PPFIBP2: variants seen among roughly 807,000 people sequenced by gnomAD.
PPFIBP2 encodes the protein liprin-beta-2.
A neutral mutation model predicts 118.3 loss-of-function variants in PPFIBP2; 118 were observed. The ratio of observed to expected loss-of-function variants is 1.00; its 90% confidence interval spans 0.86 to 1.16. The LOEUF (loss-of-function observed/expected upper bound fraction) is 1.16, where lower values mean the gene tolerates loss of function less well. Ranked by LOEUF, PPFIBP2 falls within the 50% of genes most tolerant of loss-of-function variation. The pLI is 0.00. For missense variants in PPFIBP2, 1,195 were observed against 1,073.1 expected, an observed-to-expected ratio of 1.11 and a Z score of -1.59; for synonymous variants, 414 against 397.4, an observed-to-expected ratio of 1.04 and a Z score of -0.50.
intron 3 of PPFIBP2, among the ~76,000 whole-genome samples, chr11:7,580,191 T>A (rs1857056305): frequency 2.0e-5 from 3 of 152,180 alleles, no homozygotes; most frequent in African/African-American, 4.8e-5. Flanking sequence ...ACCTCCTCTC[T>A]AACTCTCATC....
At chr11:7,586,189 T>G (rs1858143797) in intron 3 of PPFIBP2, among the ~76,000 whole-genome samples, 1 of 152,184 alleles carries the variant, frequency 6.6e-6, no homozygotes, top group Non-Finnish European at 1.5e-5. Flanking sequence ...AGTATTTTGG[T>G]TATTGTTCCC....
intron 17 of PPFIBP2, among the ~76,000 whole-genome samples, chr11:7,646,830 G>T (rs544747949): frequency 2.6e-5 from 4 of 152,076 alleles, no homozygotes; most frequent in East Asian, 1.9e-4. Flanking sequence ...GGTACATCAA[G>T]ATTTTATATA....
intron 1 of PPFIBP2, among the ~76,000 whole-genome samples, chr11:7,548,130 A>G (rs1242958313): frequency 1.3e-5 from 2 of 152,234 alleles, no homozygotes; most frequent in Non-Finnish European, 2.9e-5. Flanking sequence ...CATTTTACAG[A>G]TGAGGAAACT....
chr11:7,639,969 T>G lies in PPFIBP2; in HGVS notation c.1375+99T>G, dbSNP rs1190608866. 4.1e-6 allele frequency: 6 copies of G among 1,470,798 alleles called. No homozygotes were observed. In the African/African-American group the frequency reaches 8.5e-5, roughly 21 times the overall value. 91.1% of individuals were successfully genotyped at this position (1,470,798 alleles called of 1,614,324 possible). On this transcript the variant is annotated intron_variant, in intron 15 of 23. Transcript: ENST00000299492. ...TGCACCTACCACCACAATCCACAAT[T>G]GGAGAATGGTGGGGTGGGTGGCTGG...
At chr11:7,666,398 G>C in the PPFIBP2 span, 103 of 1,141,708 alleles carry the variant, frequency 9.0e-5, 1 homozygote, top group Non-Finnish European at 1.3e-4. Context: ...AGTCCTCAAA[G>C]TGGTCAAGGG....
intron 1 of PPFIBP2, among the ~76,000 whole-genome samples, chr11:7,529,571 C>T (rs1850509173): frequency 6.6e-6 from 1 of 152,202 alleles, no homozygotes; most frequent in South Asian, 2.1e-4. Flanking sequence ...TGCATGGAGC[C>T]AGGGACTGCT....
intron 1 of PPFIBP2, among the ~76,000 whole-genome samples, chr11:7,524,723 C>A (rs1181000134): frequency 2.7e-5 from 4 of 148,792 alleles, no homozygotes; most frequent in Non-Finnish European, 5.9e-5. Flanking sequence ...ACTCCAAATT[C>A]TATGAGCAAT....
chr11:7,607,389 G>A (rs767769881), intron 5 of PPFIBP2, among the ~76,000 whole-genome samples: 7 of 149,780 alleles, frequency 4.7e-5, no homozygotes, highest in South Asian at 2.1e-4. Flanking sequence ...TTTTTTTTGC[G>A]TATGTATTTT....
intron 14 of PPFIBP2, among the ~76,000 whole-genome samples, chr11:7,637,096 G>C (rs1851549004): frequency 6.6e-6 from 1 of 152,166 alleles, no homozygotes; most frequent in South Asian, 2.1e-4. Flanking sequence ...CCCTACTCCT[G>C]ACAGCTCTGG....
chr11:7,619,310 G>A (rs1241971481), intron 6 of PPFIBP2, among the ~76,000 whole-genome samples: 1 of 152,172 alleles, frequency 6.6e-6, no homozygotes, highest in Non-Finnish European at 1.5e-5. Context: ...CTGAAGGATG[G>A]GCAGGAGTTA....
At chr11:7,656,815 G>C (rs994398771), downstream of PPFIBP2, 5 of 1,289,570 alleles carry the variant, frequency 3.9e-6, no homozygotes, top group East Asian at 2.2e-4. Context: ...TCGTGGCTGA[G>C]AGCGTAGGGA....
At chr11:7,665,960 G>C in the PPFIBP2 span, 1 of 1,519,452 alleles carries the variant, frequency 6.6e-7, no homozygotes, top group Admixed American at 2.0e-5. Flanking sequence ...AGCAGGTACA[G>C]CCGGGAGCAG....
chr11:7,536,853 T>TG (rs1851275254), intron 1 of PPFIBP2, among the ~76,000 whole-genome samples: 1 of 152,100 alleles, frequency 6.6e-6, no homozygotes, highest in Non-Finnish European at 1.5e-5. Context: ...TACACTCTGA[T>TG]GAACAGAGCC....
rs1431971311 is a variant in PPFIBP2 at position 7,616,976 on chromosome 11, C to T, written c.619-3959C>T. The T allele has an allele frequency of 1.9e-5, 5 of 268,498 alleles. No individual in the cohort carries two copies. Among genetic ancestry groups the T allele is most frequent in the East Asian group, 1.8e-4 (1 of 5,634 alleles). The allele number at this position is 268,498 out of a possible 1,614,324, so 16.6% of individuals were successfully genotyped here. A position where few individuals can be genotyped will look rare whatever the true frequency, so the allele number is the denominator to read the frequency against. Reference sequence around the variant, plus strand: ...GGTTCTGTTGTGGAAAGTGGAGGGCCGTCGACAGTGACCACTGAGTGCCAC... The same window carrying T: ...GGTTCTGTTGTGGAAAGTGGAGGGCTGTCGACAGTGACCACTGAGTGCCAC... On this transcript the variant is annotated intron_variant, in intron 6 of 23. Coordinates refer to ENST00000299492, the MANE Select transcript of PPFIBP2 (RefSeq NM_003621.5). The surrounding 1 kb of genome is among the most constrained non-coding windows in gnomAD (Gnocchi z 5.2).
intron 8 of PPFIBP2, 102 bp from the exon 9 acceptor site, chr11:7,628,183 T>G: frequency 1.0e-6 from 1 of 954,046 alleles, no homozygotes; most frequent in South Asian, 1.7e-5. Flanking sequence ...GGAGCCATGT[T>G]CACATGGCAA....
intron 3 of PPFIBP2, among the ~76,000 whole-genome samples, chr11:7,584,440 G>A (rs1043342931): frequency 2.6e-5 from 4 of 152,138 alleles, no homozygotes; most frequent in South Asian, 2.1e-4. Flanking sequence ...CCTGGTAGCC[G>A]AGGATCTGAC....
At chr11:7,567,117 C>G (rs189261957) in intron 3 of PPFIBP2, among the ~76,000 whole-genome samples, 185 of 152,262 alleles carry the variant, frequency 1.2e-3, no homozygotes, top group African/African-American at 4.3e-3. Flanking sequence ...ATCAGTCTTT[C>G]CTATTTTGGT....
intron 4 of PPFIBP2, among the ~76,000 whole-genome samples, chr11:7,596,341 A>G (rs1171912890): frequency 6.6e-6 from 1 of 151,470 alleles, no homozygotes; most frequent in East Asian, 1.9e-4. Context: ...CCCACCCACA[A>G]AGGTTTGCGT....
rs368961147 is a variant in PPFIBP2, at chr11:7,594,277, GT to G, written c.372+1061del. On this transcript the variant is annotated intron_variant, in intron 4 of 23. Transcript: ENST00000299492. ...TTCGGCCTTTTTTCCAGTGTTGTTG[GT>G]TTTTTTTCTTTTGCCTCTATTGTAA... Among the ~76,000 whole-genome samples the G allele has an allele frequency of 3.2e-4, 49 of 151,396 alleles. No individual in the cohort carries two copies. In the East Asian group the frequency reaches 6.8e-3, roughly 21 times the overall value.
Sources: gnomAD v4.1 joint callset for allele counts (sites outside exome capture counted in the v4.1 genomes callset) on GRCh38, gnomAD v4.1.1 for gene constraint, Gnocchi (gnomAD v3.1) non-coding constraint, MANE v1.5 for transcripts, NCBI Gene and HGNC (gene_info 2026-07-23, HGNC 2026-07-21) for gene names.